Variants in SUSD1 observed in about 807,000 individuals in gnomAD.
SUSD1 encodes the protein sushi domain-containing protein 1.
A neutral mutation model predicts 86.9 loss-of-function variants in SUSD1; 65 were observed. The ratio of observed to expected loss-of-function variants is 0.75; its 90% CI spans 0.61 to 0.92. The LOEUF is 0.92. Among genes scored for constraint, SUSD1 ranks in the 40% least tolerant of loss-of-function variants. SUSD1 has a pLI of 0.00. For synonymous variants in SUSD1, 346 were observed against 350.0 expected (o/e 0.99, Z 0.13); for missense variants, 850 against 929.7 (o/e 0.91, Z 1.11).
At chr9:112,080,994 G>T (rs979983934) in intron 10 of SUSD1, among the ~76,000 whole-genome samples, 6 of 152,164 alleles carry the variant, frequency 3.9e-5, no homozygotes, top group African/African-American at 1.4e-4. Context: ...AATATTTCTT[G>T]TCCTCTGCTC....
intron 5 of SUSD1, among the ~76,000 whole-genome samples, chr9:112,140,132 G>A (rs1832495293): frequency 7.6e-6 from 1 of 131,856 alleles, no homozygotes; most frequent in Non-Finnish European, 1.6e-5. Context: ...GGAGGCCGAG[G>A]CGGGTGGATC....
intron 15 of SUSD1, among the ~76,000 whole-genome samples, chr9:112,043,659 C>T (rs992395255): frequency 2.0e-5 from 3 of 152,084 alleles, no homozygotes; most frequent in Non-Finnish European, 2.9e-5. Context: ...ACTCATTGGG[C>T]GGTTACTAAT....
chr9:112,133,407 C>T (rs1331866060), intron 5 of SUSD1, among the ~76,000 whole-genome samples: 1 of 152,186 alleles, frequency 6.6e-6, no homozygotes, highest in Non-Finnish European at 1.5e-5. Context: ...GAAATGAAGC[C>T]ACACACCTGA....
intron 12 of SUSD1, among the ~76,000 whole-genome samples, chr9:112,069,033 G>T (rs1829126481): frequency 6.6e-6 from 1 of 152,084 alleles, no homozygotes; most frequent in Non-Finnish European, 1.5e-5. Flanking sequence ...TAGAAACATA[G>T]GTCTGGAGCC....
chr9:112,092,913 C>T (rs1830259229), intron 10 of SUSD1, among the ~76,000 whole-genome samples: 1 of 152,108 alleles, frequency 6.6e-6, no homozygotes, highest in Non-Finnish European at 1.5e-5. Flanking sequence ...TATGAATAAA[C>T]TATCTATGTC....
At chr9:112,169,512 A>T (rs750924358) in intron 1 of SUSD1, 2 of 152,204 alleles carry the variant, frequency 1.3e-5, no homozygotes, top group Non-Finnish European at 2.9e-5. Context: ...ATCAACCAGC[A>T]GTGGGGCCCC....
intron 12 of SUSD1, among the ~76,000 whole-genome samples, chr9:112,069,488 C>T (rs1041497854): frequency 6.6e-6 from 1 of 152,200 alleles, no homozygotes; most frequent in Non-Finnish European, 1.5e-5. Flanking sequence ...AAAGCCCACA[C>T]ATGTCCCCTG....
chr9:112,165,942 G>GAAGAAAGAAAGAAAGGAAGAAAGA (rs369416007), intron 1 of SUSD1, among the ~76,000 whole-genome samples: 73 of 71,958 alleles, frequency 1.0e-3, no homozygotes, highest in African/African-American at 3.6e-3. Context: ...AAGAAAGAAA[G>GAAGAAAGAAAGAAAGGAAGAAAGA]AAGAAAGAAA....
chr9:112,098,282 C>T (rs1250161531), intron 10 of SUSD1, among the ~76,000 whole-genome samples, 188 bp downstream of exon 10: 1 of 152,114 alleles, frequency 6.6e-6, no homozygotes, highest in Non-Finnish European at 1.5e-5. Flanking sequence ...TGAGCCAGTA[C>T]CCTTCAGGGA....
At chr9:112,101,234 C>T (rs1830622117) in intron 9 of SUSD1, among the ~76,000 whole-genome samples, 1 of 151,566 alleles carries the variant, frequency 6.6e-6, no homozygotes, top group Non-Finnish European at 1.5e-5. Context: ...TAGTGGTGCA[C>T]ACCTATAATC....
intron 14 of SUSD1, among the ~76,000 whole-genome samples, chr9:112,056,329 G>T (rs1828446713): frequency 6.6e-6 from 1 of 151,998 alleles, no homozygotes; most frequent in Non-Finnish European, 1.5e-5. Context: ...AAGGAATGGG[G>T]AGTCATTTAA....
chr9:112,137,468 T>C (rs1033929042), intron 5 of SUSD1, among the ~76,000 whole-genome samples: 2 of 152,244 alleles, frequency 1.3e-5, no homozygotes, highest in Admixed American at 6.5e-5. Context: ...TGGTTTTATA[T>C]GGGGTTTCCT....
Position 112,058,530 on chromosome 9 carries a change from T to G in SUSD1, c.2007A>C (p.Ile669=). The change falls in exon 14 of 17, where the codon ATA becomes ATC. Residue 669 remains isoleucine, a synonymous_variant. Coordinates refer to ENST00000374270, the MANE Select transcript of SUSD1 (RefSeq NM_022486.5). The part of the protein sequence containing the change: ...AKDVPDDAME[I]PIGDRLYYGE... ...CATAGTACAGCCTGTCTCCTATAGGTATCTCCATGGCATCATCTGGAACAT... is the reference window on the plus strand; with the variant it reads ...CATAGTACAGCCTGTCTCCTATAGGGATCTCCATGGCATCATCTGGAACAT... The G allele has an allele frequency of 6.2e-7, 1 of 1,614,196 alleles. No individual in the cohort carries two copies. The highest frequency in any genetic ancestry group is 1.1e-5 in the South Asian group (1 of 91,086).
At chr9:112,055,550 C>T (rs1182527922) in intron 14 of SUSD1, among the ~76,000 whole-genome samples, 2 of 152,176 alleles carry the variant, frequency 1.3e-5, no homozygotes, top group East Asian at 3.8e-4. Context: ...GCCCTACGCA[C>T]TGCTGGTGGG....
In SUSD1 at chr9:112,054,465, T is replaced by C. The variant is rs150227597; in HGVS notation, c.2110-2027A>G. 6.3e-3 allele frequency among the ~76,000 whole-genome samples: 958 copies of C among 152,076 alleles called. 7 individuals carry two copies. Among genetic ancestry groups the C allele is most frequent in the Non-Finnish European group, 0.012 (783 of 67,986 alleles). ...AGCCAGGCATGGTGGTGCACAGCTG[T>C]AGTCCCAGCTACTTGAGAGGCTGAG... On this transcript the variant is annotated intron_variant, in intron 14 of 16. Coordinates refer to ENST00000374270, the MANE Select transcript of SUSD1 (RefSeq NM_022486.5).
At chr9:112,042,621 G>C (rs761151148) in intron 15 of SUSD1, among the ~76,000 whole-genome samples, 9 of 152,214 alleles carry the variant, frequency 5.9e-5, no homozygotes, top group Non-Finnish European at 1.3e-4. Flanking sequence ...CTGACTTAGA[G>C]AATCATGTTC....
chr9:112,165,709 A>G (rs1292876107), intron 1 of SUSD1, among the ~76,000 whole-genome samples: 2 of 151,660 alleles, frequency 1.3e-5, no homozygotes, highest in East Asian at 3.9e-4. Flanking sequence ...CACACCTGGC[A>G]TACACTTCAT....
chr9:112,042,010 T>G (rs753329459), intron 15 of SUSD1, 50 bp from the exon 16 acceptor site: 1 of 1,599,632 alleles, frequency 6.3e-7, no homozygotes, highest in South Asian at 1.1e-5. Flanking sequence ...CATCACCACC[T>G]CCCAGGAGGC....
At chr9:112,057,737 A>C (rs1033784789) in intron 14 of SUSD1, among the ~76,000 whole-genome samples, 2 of 152,228 alleles carry the variant, frequency 1.3e-5, no homozygotes, top group Non-Finnish European at 2.9e-5. Context: ...CTTTTATCTC[A>C]AATTCATCAG....
Sources: allele counts gnomAD v4.1 joint callset (sites outside exome capture counted in the v4.1 genomes callset), GRCh38; gene constraint gnomAD v4.1.1; transcripts MANE v1.5; gene names NCBI Gene and HGNC (gene_info 2026-07-23, HGNC 2026-07-21).